The following FAF1 variants were observed in gnomAD, a reference collection of about 807,000 sequenced individuals.
The protein encoded by FAF1 is FAS-associated factor 1.
Under a neutral mutation model 92.5 loss-of-function variants are expected in FAF1, and 25 were observed. The ratio of observed to expected loss-of-function variants is 0.27; its 90% CI spans 0.20 to 0.38. The LOEUF (loss-of-function observed/expected upper bound fraction) is 0.38. Among genes scored for constraint, FAF1 ranks in the 10% least tolerant of loss-of-function variants. FAF1 has a pLI of 1.00. For synonymous variants in FAF1, 234 were observed against 273.2 expected, an observed-to-expected ratio of 0.86 and a Z score of 1.42; for missense variants, 636 against 793.3, an observed-to-expected ratio of 0.80 and a Z score of 2.38.
At chr1:50,754,765 T>G (rs1037930394) in intron 4 of FAF1, among the ~76,000 whole-genome samples, 5 of 152,138 alleles carry the variant, frequency 3.3e-5, no homozygotes, top group Non-Finnish European at 7.4e-5. Context: ...TTAATGGACT[T>G]ACAGTTCCAA....
intron 2 of FAF1, among the ~76,000 whole-genome samples, chr1:50,813,801 G>A (rs1363120015): frequency 6.6e-6 from 1 of 150,450 alleles, no homozygotes. Context: ...TAAATCCACA[G>A]CTTCATTTAA....
intron 17 of FAF1, among the ~76,000 whole-genome samples, chr1:50,486,002 G>T (rs1646764848): frequency 6.6e-6 from 1 of 152,106 alleles, no homozygotes; most frequent in Non-Finnish European, 1.5e-5. Context: ...AACATGTGGG[G>T]ATTACAATTT....
chr1:50,766,511 G>A (rs896914627), intron 4 of FAF1, among the ~76,000 whole-genome samples: 1 of 152,068 alleles, frequency 6.6e-6, no homozygotes, highest in African/African-American at 2.4e-5. Context: ...ATGAACATCT[G>A]CTGCCACCAA....
rs373578502 is a variant in FAF1 at position 50,561,848 on chromosome 1, CGGAAGGAAGGAAGGAAGGAA to C, written c.1268+5209_1268+5228del. Among the ~76,000 whole-genome samples, 8 of 128,550 alleles carry C rather than the reference CGGAAGGAAGGAAGGAAGGAA, an allele frequency of 6.2e-5. No homozygotes were observed. The South Asian group carries it at 1.3e-3, about 21-fold the overall frequency. 84.3% of individuals were successfully genotyped at this position (128,550 alleles called of 152,430 possible). ...TAGGACAGACGGATGGACGGATGGACGGAAGGAAGGAAGGAAGGAAGGAAGGAAGGAAGGAAGGAAGGAAG... is the reference window on the plus strand; with the variant it reads ...TAGGACAGACGGATGGACGGATGGACGGAAGGAAGGAAGGAAGGAAGGAAG... On this transcript the variant is annotated intron_variant, in intron 13 of 18. Transcript: ENST00000396153.
At chr1:50,926,770 A>T (rs1645009284) in intron 1 of FAF1, among the ~76,000 whole-genome samples, 1 of 152,214 alleles carries the variant, frequency 6.6e-6, no homozygotes, top group South Asian at 2.1e-4. Flanking sequence ...GTGGTTATGT[A>T]CCCAAAAGAC....
intron 1 of FAF1, among the ~76,000 whole-genome samples, chr1:50,912,686 T>A (rs1262016965): frequency 6.6e-6 from 1 of 152,220 alleles, no homozygotes; most frequent in Non-Finnish European, 1.5e-5. Flanking sequence ...GACTCTACAC[T>A]ATGCAATCTA....
intron 8 of FAF1, among the ~76,000 whole-genome samples, chr1:50,619,813 C>G (rs546950859): frequency 4.6e-5 from 7 of 151,960 alleles, no homozygotes; most frequent in Non-Finnish European, 1.0e-4. Flanking sequence ...GGGAAATTTT[C>G]ATGGACTATA....
chr1:50,804,795 C>A (rs1392746173), intron 2 of FAF1, among the ~76,000 whole-genome samples: 2 of 152,072 alleles, frequency 1.3e-5, no homozygotes, highest in Non-Finnish European at 1.5e-5. Flanking sequence ...AAAAAAGCCA[C>A]AAGAAACAGG....
intron 6 of FAF1, among the ~76,000 whole-genome samples, chr1:50,709,875 CT>C (rs1438802498): frequency 6.6e-6 from 1 of 152,070 alleles, no homozygotes; most frequent in Non-Finnish European, 1.5e-5. Context: ...AGGGAGAATA[CT>C]TTAAAGTACT....
chr1:50,924,044 A>G (rs1175874639), intron 1 of FAF1, among the ~76,000 whole-genome samples: 2 of 152,210 alleles, frequency 1.3e-5, no homozygotes, highest in African/African-American at 4.8e-5. Flanking sequence ...GTTATTCAAC[A>G]TAGTACTAGA....
intron 17 of FAF1, 26 bp from the exon 18 acceptor site, chr1:50,475,705 A>C (rs181771185): frequency 6.6e-7 from 1 of 1,525,524 alleles, no homozygotes; most frequent in East Asian, 2.3e-5. Context: ...ACCAGGTGTT[A>C]AAATGTGAGA....
chr1:50,705,672 C>T (rs1657644627), intron 7 of FAF1, 114 bp downstream of exon 7: 2 of 548,626 alleles, frequency 3.6e-6, no homozygotes, highest in African/African-American at 1.9e-5. Flanking sequence ...ATTTAAGAAC[C>T]CAATAATGAA....
intron 17 of FAF1, among the ~76,000 whole-genome samples, chr1:50,478,190 G>A (rs1646660919): frequency 6.7e-6 from 1 of 148,782 alleles, no homozygotes; most frequent in African/African-American, 2.5e-5. Flanking sequence ...TTGAGATGGA[G>A]TTTCACTCTG....
chr1:50,935,783 T>C (rs1327992592), intron 1 of FAF1, among the ~76,000 whole-genome samples: 1 of 152,212 alleles, frequency 6.6e-6, no homozygotes, highest in African/African-American at 2.4e-5. Flanking sequence ...GATTTATTCT[T>C]AAAGCTAACA....
intron 1 of FAF1, among the ~76,000 whole-genome samples, chr1:50,886,459 A>G (rs1412899417): frequency 2.0e-5 from 3 of 152,094 alleles, no homozygotes; most frequent in Non-Finnish European, 4.4e-5. Flanking sequence ...CACATGTGCC[A>G]TGTTTGTGTG....
At chr1:50,928,703 A>C (rs949570422) in intron 1 of FAF1, among the ~76,000 whole-genome samples, 2 of 150,444 alleles carry the variant, frequency 1.3e-5, no homozygotes, top group African/African-American at 4.9e-5. Context: ...GAATCGCTTG[A>C]ACCTGGGAGG....
chr1:50,773,954 AC>A (rs1660863924), intron 4 of FAF1, among the ~76,000 whole-genome samples: 1 of 152,314 alleles, frequency 6.6e-6, no homozygotes, highest in Admixed American at 6.5e-5. Context: ...CACTTATTAA[AC>A]ATCAATTTAA....
chr1:50,757,464 T>A (rs1660121163), intron 4 of FAF1, among the ~76,000 whole-genome samples: 1 of 152,230 alleles, frequency 6.6e-6, no homozygotes, highest in East Asian at 1.9e-4. Flanking sequence ...GATACTTATG[T>A]CTTCTTGATG....
intron 13 of FAF1, among the ~76,000 whole-genome samples, chr1:50,543,729 T>C (rs534851063): frequency 1.3e-5 from 2 of 152,204 alleles, no homozygotes; most frequent in Non-Finnish European, 2.9e-5. Context: ...TTAGCAAAGA[T>C]TTGTTGACTA....
Sources: gnomAD v4.1 joint callset for allele counts (sites outside exome capture counted in the v4.1 genomes callset) on GRCh38, gnomAD v4.1.1 for gene constraint, MANE v1.5 for transcripts, NCBI Gene and HGNC (gene_info 2026-07-23, HGNC 2026-07-21) for gene names.